Variants in PCDHA2 observed in about 807,000 individuals in gnomAD.
PCDHA2 encodes protocadherin alpha 2.
In PCDHA2, 58 loss-of-function variants were observed where a neutral mutation model predicts 66.0. That is an observed-to-expected ratio of 0.88 (90% CI 0.71 to 1.09). The LOEUF is 1.09. PCDHA2 is among the 50% of genes least tolerant of loss of function. The probability of loss-of-function intolerance (pLI) is 0.00; values close to 1 mark genes in which losing one functional copy is unlikely to be tolerated. For synonymous variants in PCDHA2, 634 were observed against 554.0 expected (o/e 1.14, Z -2.03); for missense variants, 1,267 against 1,242.3 (o/e 1.02, Z -0.30).
At chr5:140,870,325 C>G in intron 1 of PCDHA2, 1 of 1,614,198 alleles carries the variant, frequency 6.2e-7, no homozygotes. Flanking sequence ...CTCGTTGGTG[C>G]TGGACAGCGC....
intron 1 of PCDHA2, among the ~76,000 whole-genome samples, chr5:140,935,292 G>A (rs782760921): frequency 3.0e-4 from 46 of 152,068 alleles, no homozygotes; most frequent in Non-Finnish European, 3.8e-4. Context: ...TCAGCACTCC[G>A]AGGTTTTTAC....
chr5:140,850,940 A>G (rs2150503150), intron 1 of PCDHA2: 2 of 1,507,156 alleles, frequency 1.3e-6, no homozygotes, highest in East Asian at 2.3e-5. Context: ...TTCTTGAAAG[A>G]TATTATCGAT....
chr5:140,884,385 C>T (rs1554181508), intron 1 of PCDHA2: 1 of 1,613,992 alleles, frequency 6.2e-7, no homozygotes, highest in Non-Finnish European at 8.5e-7. Context: ...GCCATCTGCG[C>T]GGTGTCCAGC....
chr5:140,912,889 G>T (rs782116758), intron 1 of PCDHA2, among the ~76,000 whole-genome samples: 8 of 152,140 alleles, frequency 5.3e-5, no homozygotes, highest in Non-Finnish European at 1.2e-4. Context: ...TCATTCTGTT[G>T]ATATGATGTA....
intron 1 of PCDHA2, chr5:140,834,264 CTT>C: frequency 9.9e-7 from 1 of 1,010,524 alleles, no homozygotes; most frequent in Admixed American, 2.4e-5. Context: ...GCTCCACTCT[CTT>C]TCACTCTTTG....
chr5:140,943,357 A>G (rs974685573), intron 1 of PCDHA2, among the ~76,000 whole-genome samples: 3 of 152,026 alleles, frequency 2.0e-5, no homozygotes, highest in Non-Finnish European at 4.4e-5. Flanking sequence ...AGTAGAGGAA[A>G]GGAGATCATT....
chr5:140,857,187 C>A (rs202051639), intron 1 of PCDHA2: 1 of 1,598,516 alleles, frequency 6.3e-7, no homozygotes, highest in East Asian at 2.2e-5. Context: ...GATTCAGGAG[C>A]CAACGGACAG....
chr5:140,892,232 T>C (rs2063437812), intron 1 of PCDHA2, among the ~76,000 whole-genome samples: 1 of 152,176 alleles, frequency 6.6e-6, no homozygotes, highest in African/African-American at 2.4e-5. Context: ...GTGTTTTGTC[T>C]CCACATAAAC....
At position 140,980,684 on chromosome 5, in the gene PCDHA2, GA is replaced by G. The variant is rs782726576; in HGVS notation, c.2447+1687del. 1.5e-4 allele frequency among the ~76,000 whole-genome samples: 22 copies of G among 145,136 alleles called. No individual in the cohort carries two copies. In the East Asian group the frequency reaches 2.6e-3, roughly 17 times the overall value. ...AACTTCCTTATCCCATTTTCAAATT[GA>G]AAAAAAAAAGCCAAATGTGCTCCTA... On this transcript the variant is annotated intron_variant, in intron 2 of 3. Transcript: ENST00000526136.
At chr5:140,855,178 G>T (rs1170062889) in intron 1 of PCDHA2, among the ~76,000 whole-genome samples, 1 of 149,594 alleles carries the variant, frequency 6.7e-6, no homozygotes, top group African/African-American at 2.5e-5. Flanking sequence ...AAACAAATGT[G>T]GCCAAATTGA....
chr5:140,838,474 T>C (rs1775747534), intron 1 of PCDHA2, among the ~76,000 whole-genome samples: 1 of 151,866 alleles, frequency 6.6e-6, no homozygotes, highest in Admixed American at 6.6e-5. Flanking sequence ...CGCTTATTCC[T>C]TGTTTTTGAT....
At position 140,796,079 on chromosome 5, in the gene PCDHA2, T is replaced by A; in HGVS notation, c.1115T>A (p.Ile372Asn). 2 of 1,614,244 alleles carry A rather than the reference T, an allele frequency of 1.2e-6. No individual in the cohort carries two copies. The highest frequency in any genetic ancestry group is 1.7e-6 in the Non-Finnish European group (2 of 1,180,048). ...NASLGTVIAL[I>N]TVSDRDSGTN... ...TCCCTGGGCACTGTCATTGCTCTCA[T>A]CACGGTGTCGGATCGCGACTCTGGT... Residue 372 changes from isoleucine to asparagine, a missense_variant, in exon 1 of 4, where the codon ATC (isoleucine) becomes AAC (asparagine). Transcript: ENST00000526136.
chr5:140,796,090 G>A lies in PCDHA2; in HGVS notation c.1126G>A (p.Asp376Asn). Residue 376 changes from aspartate to asparagine, a missense_variant, in exon 1 of 4, where the codon GAT becomes AAT. Physicochemically the swap from Asp to Asn is conservative, Grantham distance 23 (BLOSUM62 1). Coordinates refer to ENST00000526136, the MANE Select transcript of PCDHA2 (RefSeq NM_018905.3). ...TGTCATTGCTCTCATCACGGTGTCG[G>A]ATCGCGACTCTGGTACGAATGGACA... ...GTVIALITVSDRDSGTNGHVT... is the reference protein window; with the variant it reads ...GTVIALITVSNRDSGTNGHVT... 3 of 1,614,160 alleles carry A rather than the reference G, an allele frequency of 1.9e-6. No homozygotes were observed. Among genetic ancestry groups the A allele is most frequent in the Non-Finnish European group, 2.5e-6 (3 of 1,180,040 alleles).
intron 1 of PCDHA2, chr5:140,809,687 CATAT>C: frequency 2.3e-6 from 3 of 1,291,004 alleles, no homozygotes; most frequent in Non-Finnish European, 3.2e-6. Context: ...CCTCTTTTTA[CATAT>C]CCATTTTAAC....
chr5:140,812,845 A>G (rs1382314679), intron 1 of PCDHA2: 2 of 152,134 alleles, frequency 1.3e-5, no homozygotes, highest in South Asian at 2.1e-4. Flanking sequence ...ATCTTAACAT[A>G]TTTTCTAATT....
chr5:140,831,520 C>CTTT (rs2150195630), intron 1 of PCDHA2, among the ~76,000 whole-genome samples: 4 of 122,404 alleles, frequency 3.3e-5, no homozygotes, highest in Non-Finnish European at 6.6e-5. Context: ...TGCCCCCCAC[C>CTTT]TTTTTTTTTT....
intron 1 of PCDHA2, among the ~76,000 whole-genome samples, chr5:140,838,812 C>T (rs1475973999): frequency 6.6e-6 from 1 of 151,910 alleles, no homozygotes; most frequent in Non-Finnish European, 1.5e-5. Context: ...GTTTCAGCTA[C>T]TCAAGAAACT....
intron 1 of PCDHA2, among the ~76,000 whole-genome samples, chr5:140,906,717 T>G (rs566025860): frequency 6.6e-6 from 1 of 152,320 alleles, no homozygotes; most frequent in African/African-American, 2.4e-5. Context: ...CTGCCTGGAT[T>G]GTGCTGTTGT....
Position 140,794,946 on chromosome 5 carries a change from A to G in PCDHA2, c.-19A>G, listed in dbSNP as rs371839761. The G allele has an allele frequency of 6.3e-7, 1 of 1,590,330 alleles. No homozygotes were observed. Among genetic ancestry groups the G allele is most frequent in the Non-Finnish European group, 8.5e-7 (1 of 1,169,904 alleles). Reference sequence around the variant, plus strand: ...CAAAACATGCTCTTCTAATTTGATCAAAACATTGAGGATTGGTAATGGCGT... The same window carrying G: ...CAAAACATGCTCTTCTAATTTGATCGAAACATTGAGGATTGGTAATGGCGT... On this transcript the variant is annotated 5_prime_UTR_variant, in exon 1 of 4. Transcript: ENST00000526136.
Sources: allele counts gnomAD v4.1 joint callset (sites outside exome capture counted in the v4.1 genomes callset), GRCh38; gene constraint gnomAD v4.1.1; transcripts MANE v1.5; gene names NCBI Gene and HGNC (gene_info 2026-07-23, HGNC 2026-07-21).